The following VIPAS39 variants were observed in gnomAD, a reference collection of about 807,000 sequenced individuals.
VIPAS39 encodes the protein spermatogenesis-defective protein 39 homolog.
Under a neutral mutation model 84.7 loss-of-function variants are expected in VIPAS39, and 63 were observed. That is an observed-to-expected ratio of 0.74 (90% CI 0.61 to 0.92). VIPAS39 has a LOEUF of 0.92. Among genes scored for constraint, VIPAS39 ranks in the 40% least tolerant of loss-of-function variants. The probability of loss-of-function intolerance (pLI) is 0.00; values close to 1 mark genes in which losing one functional copy is unlikely to be tolerated. For synonymous variants in VIPAS39, 192 were observed against 216.5 expected, an observed-to-expected ratio of 0.89 and a Z score of 0.99; for missense variants, 499 against 604.5, an observed-to-expected ratio of 0.83 and a Z score of 1.83.
At chr14:77,429,952 A>G (rs1207226932) in intron 16 of VIPAS39, among the ~76,000 whole-genome samples, 185 bp from the exon 17 acceptor site, 1 of 152,250 alleles carries the variant, frequency 6.6e-6, no homozygotes, top group East Asian at 1.9e-4. Flanking sequence ...GAAATGAATC[A>G]GGTTTGAAAT....
At chr14:77,453,950 G>A (rs1264273736) in intron 2 of VIPAS39, 60 bp downstream of exon 2, 2 of 1,544,868 alleles carry the variant, frequency 1.3e-6, no homozygotes, top group Admixed American at 1.7e-5. Context: ...CAGAATGCAA[G>A]AGGAAGGAAT....
At chr14:77,443,572 G>C (rs920946498) in intron 8 of VIPAS39, among the ~76,000 whole-genome samples, 2 of 151,974 alleles carry the variant, frequency 1.3e-5, no homozygotes, top group African/African-American at 4.8e-5. Context: ...AACATAGCAA[G>C]ACCCTGTCTC....
intron 3 of VIPAS39, among the ~76,000 whole-genome samples, chr14:77,452,910 G>A (rs1410859821): frequency 6.6e-6 from 1 of 152,044 alleles, no homozygotes; most frequent in East Asian, 1.9e-4. Context: ...ACTGAGTCAA[G>A]TCAGTAGTTC....
intron 3 of VIPAS39, 90 bp downstream of exon 3, chr14:77,453,209 T>G (rs1691846893): frequency 7.8e-7 from 1 of 1,280,558 alleles, no homozygotes; most frequent in South Asian, 1.2e-5. Flanking sequence ...GTCCCTCTCC[T>G]AACTAGCATT....
rs2078445503 is a variant in VIPAS39 at position 77,427,328 on chromosome 14, T to C, written c.*288A>G. 2.0e-6 allele frequency: 1 copy of C among 499,148 alleles called. No homozygotes were observed. Among genetic ancestry groups the C allele is most frequent in the Non-Finnish European group, 3.6e-6 (1 of 275,222 alleles). 30.9% of individuals were successfully genotyped at this position (499,148 alleles called of 1,614,324 possible). The stretch of plus-strand genomic sequence containing the variant: ...GAGCAGTCACTTTTCTCAGACCAAG[T>C]GAGATCTTACCCAGTAGGGGCCCAA... On this transcript the variant is annotated 3_prime_UTR_variant, in exon 20 of 20. Transcript: ENST00000557658.
At chr14:77,457,319 C>G in intron 1 of VIPAS39, 176 bp downstream of exon 1, 1 of 1,535,682 alleles carries the variant, frequency 6.5e-7, no homozygotes, top group Non-Finnish European at 8.7e-7. Context: ...GGTGCTCACT[C>G]GCAGCCCCAG....
intron 18 of VIPAS39, 78 bp downstream of exon 18, chr14:77,428,928 G>T: frequency 1.5e-6 from 2 of 1,342,984 alleles, no homozygotes; most frequent in Non-Finnish European, 2.1e-6. Flanking sequence ...TCAGGATCTT[G>T]GACAGAGAAT....
chr14:77,436,674 A>G (rs114142324), intron 12 of VIPAS39, among the ~76,000 whole-genome samples: 4,481 of 152,156 alleles, frequency 0.029, 216 homozygotes, highest in African/African-American at 0.1. Flanking sequence ...TGATCTCCTA[A>G]CCTCGTGATC....
intron 10 of VIPAS39, among the ~76,000 whole-genome samples, chr14:77,441,995 T>C (rs2078710976): frequency 6.6e-6 from 1 of 152,230 alleles, no homozygotes; most frequent in Non-Finnish European, 1.5e-5. Flanking sequence ...CCTAGTTTCA[T>C]AGGCCCATGC....
intron 12 of VIPAS39, 37 bp from the exon 13 acceptor site, chr14:77,435,956 T>C (rs1329178214): frequency 1.9e-6 from 3 of 1,610,518 alleles, no homozygotes; most frequent in East Asian, 2.2e-5. Context: ...CTTTCTCTAT[T>C]CAAACAAGGA....
chr14:77,448,452 C>T (rs1177983215), intron 7 of VIPAS39, 42 bp downstream of exon 7: 4 of 1,597,588 alleles, frequency 2.5e-6, no homozygotes, highest in East Asian at 4.5e-5. Context: ...GAACAAGCTG[C>T]CCAGCTTCCC....
intron 3 of VIPAS39, among the ~76,000 whole-genome samples, chr14:77,452,779 C>A (rs1418920686): frequency 1.6e-3 from 166 of 106,704 alleles, no homozygotes; most frequent in Middle Eastern, 5.0e-3. Context: ...GACTCCATCT[C>A]AAAAAAAAAA....
At chr14:77,437,257 C>T (rs1003614697) in intron 12 of VIPAS39, among the ~76,000 whole-genome samples, 8 of 152,184 alleles carry the variant, frequency 5.3e-5, no homozygotes, top group Non-Finnish European at 2.9e-5. Flanking sequence ...TTTCCAATAA[C>T]GAAGGTTGTT....
chr14:77,434,709 G>A (rs927524984), intron 14 of VIPAS39, among the ~76,000 whole-genome samples: 2 of 151,730 alleles, frequency 1.3e-5, no homozygotes, highest in Non-Finnish European at 2.9e-5. Context: ...TGGCCAACAT[G>A]GTGAAACCCT....
chr14:77,447,290 G>T (rs1566735219), intron 7 of VIPAS39, among the ~76,000 whole-genome samples: 3 of 151,028 alleles, frequency 2.0e-5, no homozygotes. Flanking sequence ...CTTCCAAAGT[G>T]CTGGGATTAC....
At chr14:77,434,961 T>G (rs143992758) in intron 14 of VIPAS39, among the ~76,000 whole-genome samples, 1 of 151,648 alleles carries the variant, frequency 6.6e-6, no homozygotes, top group Non-Finnish European at 1.5e-5. Flanking sequence ...CTCCACATCA[T>G]GCTAATCCAT....
At chr14:77,437,940 T>A in intron 11 of VIPAS39, 59 bp from the exon 12 acceptor site, 2 of 1,532,296 alleles carry the variant, frequency 1.3e-6, no homozygotes, top group Non-Finnish European at 1.8e-6. Flanking sequence ...GGGAGATAGC[T>A]GATTAACTGA....
chr14:77,452,286 G>A (rs1309558234), intron 3 of VIPAS39, among the ~76,000 whole-genome samples: 1 of 152,076 alleles, frequency 6.6e-6, no homozygotes, highest in East Asian at 1.9e-4. Context: ...TTTTCCAGAT[G>A]CAAAAAGAGT....
intron 14 of VIPAS39, 149 bp from the exon 15 acceptor site, chr14:77,434,452 T>A (rs1594896701): frequency 1.3e-6 from 1 of 786,938 alleles, no homozygotes; most frequent in East Asian, 2.7e-5. Flanking sequence ...AAAGCTCCAT[T>A]GGGAATAGTC....
Sources: allele counts gnomAD v4.1 joint callset (sites outside exome capture counted in the v4.1 genomes callset), GRCh38; gene constraint gnomAD v4.1.1; transcripts MANE v1.5; gene names NCBI Gene and HGNC (gene_info 2026-07-23, HGNC 2026-07-21).